ARHGAP39: variants seen among roughly 807,000 people sequenced by gnomAD.
The protein encoded by ARHGAP39 is rho GTPase-activating protein 39.
Under a neutral mutation model 106.9 loss-of-function variants are expected in ARHGAP39, and 44 were observed. The ratio of observed to expected loss-of-function variants is 0.41; its 90% CI spans 0.32 to 0.53. ARHGAP39 has a LOEUF of 0.53. ARHGAP39 is among the 20% of genes least tolerant of loss of function. The pLI, the probability that ARHGAP39 is intolerant of heterozygous loss-of-function variation, is 0.21. For synonymous variants in ARHGAP39, 768 were observed against 693.2 expected, an observed-to-expected ratio of 1.11 and a Z score of -1.69; for missense variants, 1,496 against 1,577.3, an observed-to-expected ratio of 0.95 and a Z score of 0.87.
At chr8:144,639,528 A>G (rs953071504) in intron 1 of ARHGAP39, among the ~76,000 whole-genome samples, 11 of 152,052 alleles carry the variant, frequency 7.2e-5, no homozygotes, top group African/African-American at 2.7e-4. Flanking sequence ...GCATCTTTTT[A>G]TTTTTGACAG....
chr8:144,578,513 C>A (rs1447355398), intron 3 of ARHGAP39, among the ~76,000 whole-genome samples: 1 of 152,166 alleles, frequency 6.6e-6, no homozygotes, highest in Non-Finnish European at 1.5e-5. Flanking sequence ...CAGGCGTGTG[C>A]CACTTTTCTT....
chr8:144,687,137 TGGCGGCGAG>T (rs1822622264), upstream of ARHGAP39, among the ~76,000 whole-genome samples: 1 of 11,428 alleles, frequency 8.8e-5, no homozygotes, highest in Non-Finnish European at 1.4e-4. Context: ...GACCACGCAC[TGGCGGCGAG>T]CATTTCCCAC....
At chr8:144,618,167 C>T (rs1048138161) in intron 1 of ARHGAP39, among the ~76,000 whole-genome samples, 1 of 152,192 alleles carries the variant, frequency 6.6e-6, no homozygotes, top group Non-Finnish European at 1.5e-5. Context: ...TGAGCTCCAC[C>T]CTTTCAAGAA....
chr8:144,580,717 C>T, intron 3 of ARHGAP39, 129 bp downstream of exon 3: 1 of 1,222,078 alleles, frequency 8.2e-7, no homozygotes, highest in Non-Finnish European at 1.1e-6. Flanking sequence ...TACTCCTAAC[C>T]TGGCCCCGCC....
chr8:144,537,616 T>TCCC, intron 7 of ARHGAP39, 105 bp downstream of exon 7: 5 of 570,190 alleles, frequency 8.8e-6, no homozygotes, highest in Admixed American at 2.5e-5. Context: ...AGTGGCCCCA[T>TCCC]CCCCCCCGCC....
intron 1 of ARHGAP39, among the ~76,000 whole-genome samples, chr8:144,677,707 T>C (rs895078731): frequency 1.3e-5 from 2 of 152,278 alleles, no homozygotes; most frequent in Admixed American, 1.3e-4. Flanking sequence ...TACATACACT[T>C]GTTTGCTTGC....
At position 144,548,113 on chromosome 8, in the gene ARHGAP39, A is replaced by G; in HGVS notation, c.973T>C (p.Tyr325His). The G allele has an allele frequency of 6.3e-7, 1 of 1,582,912 alleles. No homozygotes were observed. The highest frequency in any genetic ancestry group is 2.3e-5 in the East Asian group (1 of 44,404). Residue 325 changes from tyrosine to histidine, a missense_variant, in exon 5 of 12, where the codon TAC becomes CAC. Physicochemically the swap from Tyr to His is moderately conservative, Grantham distance 83 (BLOSUM62 2). Around this residue, in one of 4 missense-constraint regions of ARHGAP39, gnomAD observed 905 missense variants for 816.4 expected, o/e 1.11. Coordinates refer to ENST00000377307, the MANE Select transcript of ARHGAP39 (RefSeq NM_025251.3). The surrounding 1 kb of genome is among the most constrained non-coding windows in gnomAD (Gnocchi z 7.4). ...TGCACGTCCATGGGGGGCTCATCGTAGATGGGGGCCTGGTACTCCACTGGG... is the reference window on the plus strand; with the variant it reads ...TGCACGTCCATGGGGGGCTCATCGTGGATGGGGGCCTGGTACTCCACTGGG... ...EPPVEYQAPI[Y>H]DEPPMDVQFE...
intron 8 of ARHGAP39, 30 bp downstream of exon 8, chr8:144,534,099 C>T: frequency 6.2e-7 from 1 of 1,610,378 alleles, no homozygotes; most frequent in Non-Finnish European, 8.5e-7. Flanking sequence ...TCCCCGCCTG[C>T]CCTCCCCGGC....
chr8:144,570,088 G>T (rs970433530), intron 3 of ARHGAP39, among the ~76,000 whole-genome samples: 2 of 152,198 alleles, frequency 1.3e-5, no homozygotes, highest in Non-Finnish European at 2.9e-5. Flanking sequence ...AGGCGTGGTG[G>T]CTCATGCCTG....
At chr8:144,659,309 C>T (rs1262102909) in intron 1 of ARHGAP39, among the ~76,000 whole-genome samples, 1 of 152,218 alleles carries the variant, frequency 6.6e-6, no homozygotes, top group East Asian at 1.9e-4. Flanking sequence ...TTGGAGGAAA[C>T]ACCTGGTAAC....
intron 1 of ARHGAP39, among the ~76,000 whole-genome samples, chr8:144,677,105 T>C (rs962839215): frequency 2.0e-5 from 3 of 152,238 alleles, no homozygotes; most frequent in African/African-American, 4.8e-5. Flanking sequence ...ATAACATGAA[T>C]CAGTAACTCA....
chr8:144,696,494 G>A, the ARHGAP39 span, among the ~76,000 whole-genome samples: 11 of 152,236 alleles, frequency 7.2e-5, no homozygotes, highest in South Asian at 2.1e-3. Context: ...TGTCATACAA[G>A]TCTTTTTCAT....
intron 6 of ARHGAP39, among the ~76,000 whole-genome samples, chr8:144,544,877 C>T (rs1236169302): frequency 6.6e-6 from 1 of 152,258 alleles, no homozygotes; most frequent in Non-Finnish European, 1.5e-5. Context: ...TCACGGATGG[C>T]AGAAGGCAAG....
In ARHGAP39 at chr8:144,589,439, C is replaced by A. The variant is rs1249837898; in HGVS notation, c.81-8162G>T. 3.9e-5 allele frequency among the ~76,000 whole-genome samples: 6 copies of A among 152,226 alleles called. No individual in the cohort carries two copies. In the South Asian group the frequency reaches 1.0e-3, roughly 26 times the overall value. On this transcript the variant is annotated intron_variant, in intron 2 of 11. Coordinates refer to ENST00000377307, the MANE Select transcript of ARHGAP39 (RefSeq NM_025251.3). ...CAGAGCAGGGCAGCGGGAAGCCCCTCCTGGGAGGACGAACTCCTCTGACAC... is the reference window on the plus strand; with the variant it reads ...CAGAGCAGGGCAGCGGGAAGCCCCTACTGGGAGGACGAACTCCTCTGACAC...
intron 3 of ARHGAP39, among the ~76,000 whole-genome samples, chr8:144,579,440 C>T (rs931641933): frequency 7.2e-5 from 11 of 152,182 alleles, no homozygotes; most frequent in Admixed American, 6.5e-4. Flanking sequence ...CTGCACCGCT[C>T]GCTCACCCAC....
intron 1 of ARHGAP39, among the ~76,000 whole-genome samples, chr8:144,683,831 GT>G (rs1364619049): frequency 1.3e-5 from 2 of 151,504 alleles, no homozygotes; most frequent in Non-Finnish European, 3.0e-5. Context: ...TACATTGGCA[GT>G]GCTGGAGAAA....
At chr8:144,588,061 C>G (rs1819249772) in intron 2 of ARHGAP39, among the ~76,000 whole-genome samples, 1 of 152,246 alleles carries the variant, frequency 6.6e-6, no homozygotes, top group African/African-American at 2.4e-5. Context: ...GGTGATGGTC[C>G]CAGCCCCACG....
rs1822082283 is a variant in ARHGAP39 at position 144,670,792 on chromosome 8, A to G, written c.-82+14894T>C. ...CCCCGTCCTTCAGACCACACACCGC[A>G]GCTGCCAACTGTGTGTATCTGTTTC... On this transcript the variant is annotated intron_variant, in intron 1 of 11. Transcript: ENST00000377307. This position sits in a 1 kb window ranked among gnomAD's most constrained non-coding sequence, Gnocchi z 4.4. 6.6e-6 allele frequency among the ~76,000 whole-genome samples: 1 copy of G among 152,136 alleles called. No individual in the cohort carries two copies. Among genetic ancestry groups the G allele is most frequent in the African/African-American group, 2.4e-5 (1 of 41,408 alleles).
Position 144,547,972 on chromosome 8 carries a change from C to T in ARHGAP39, c.1114G>A (p.Val372Met). Reference sequence around the variant, plus strand: ...TCGGGACACTTCTGCTTGGTGAGCACCAGCTGCTGGCAGGGCGAGGGGGGG... The same window carrying T: ...TCGGGACACTTCTGCTTGGTGAGCATCAGCTGCTGGCAGGGCGAGGGGGGG... ...QGPPSPCQQL[V>M]LTKQKCPERF... The change falls in exon 5 of 12, where the codon GTG (valine) becomes ATG (methionine). Residue 372 changes from valine (V) to methionine (M), a missense_variant. Physicochemically the swap from Val to Met is conservative, Grantham distance 21. This residue lies in a region of ARHGAP39 where 905 missense variants were observed against 816.4 expected (regional missense o/e 1.11). Transcript: ENST00000377307. This position sits in a 1 kb window ranked among gnomAD's most constrained non-coding sequence, Gnocchi z 5.2. 2 of 1,608,046 alleles carry T rather than the reference C, an allele frequency of 1.2e-6. No homozygotes were observed. The highest frequency in any genetic ancestry group is 1.1e-5 in the South Asian group (1 of 90,534).
Sources: gnomAD v4.1 joint callset for allele counts (sites outside exome capture counted in the v4.1 genomes callset) on GRCh38, gnomAD v4.1.1 for gene constraint, gnomAD v4.1.1 regional missense constraint, Gnocchi (gnomAD v3.1) non-coding constraint, MANE v1.5 for transcripts, NCBI Gene and HGNC (gene_info 2026-07-23, HGNC 2026-07-21) for gene names.